The following MYOCD variants were observed in gnomAD, a reference collection of about 807,000 sequenced individuals.
MYOCD encodes myocardin.
MYOCD carries 32 observed loss-of-function variants against 96.1 expected under a neutral mutation model. The observed-to-expected ratio is 0.33, with a 90% CI of 0.25 to 0.45. The LOEUF (loss-of-function observed/expected upper bound fraction) is 0.45, where lower values mean the gene tolerates loss of function less well. Among genes scored for constraint, MYOCD ranks in the 20% least tolerant of loss-of-function variants. MYOCD has a pLI of 1.00. For synonymous variants in MYOCD, 469 were observed against 469.0 expected (o/e 1.00, Z 0.00); for missense variants, 1,133 against 1,200.6 (o/e 0.94, Z 0.83).
chr17:12,705,290 T>C (rs1224062514), intron 2 of MYOCD, 97 bp downstream of exon 2: 14 of 785,700 alleles, frequency 1.8e-5, no homozygotes, highest in Admixed American at 7.1e-5. Context: ...AGCCAATGCA[T>C]TGGTCTCCGA....
rs1460573699 is a variant in MYOCD at position 12,736,285 on chromosome 17, A to T, written c.540A>T (p.Pro180=). 1 of 1,614,254 alleles carries T rather than the reference A, an allele frequency of 6.2e-7. No homozygotes were observed. The highest frequency in any genetic ancestry group is 1.1e-5 in the South Asian group (1 of 91,088). The part of the protein sequence containing the change: ...EDPQNSAGSP[P]DAKASDTPST... ...CCCAAAACTCAGCGGGATCCCCGCC[A>T]GACGCTAAAGCCTCAGATACCCCTT... is the stretch of plus-strand genomic sequence containing the variant. Residue 180 remains proline, a synonymous_variant, in exon 6 of 14, where the codon CCA becomes CCT. Transcript: ENST00000425538.
chr17:12,734,355 G>C (rs2032272734), intron 5 of MYOCD, among the ~76,000 whole-genome samples: 3 of 152,094 alleles, frequency 2.0e-5, no homozygotes, highest in Admixed American at 2.0e-4. Flanking sequence ...GGGTCTCTGA[G>C]AGTGTGAATG....
At chr17:12,677,344 AC>A (rs1910127069) in intron 1 of MYOCD, among the ~76,000 whole-genome samples, 1 of 151,664 alleles carries the variant, frequency 6.6e-6, no homozygotes, top group Admixed American at 6.6e-5. Flanking sequence ...TGTACAACAA[AC>A]CCCCATGACA....
rs1294637911 is a variant in MYOCD, at chr17:12,666,140, A to G, written c.-49A>G. On this transcript the variant is annotated 5_prime_UTR_variant, in exon 1 of 14. Coordinates refer to ENST00000425538, the MANE Select transcript of MYOCD (RefSeq NM_001146312.3). ...GCTCCCGGGAGCCTGTTGCTGGTGG[A>G]GAACAGGGGGCGCCTGGCCAAGGGA... 2 of 1,482,210 alleles carry G rather than the reference A, an allele frequency of 1.3e-6. No homozygotes were observed. Among genetic ancestry groups the G allele is most frequent in the Non-Finnish European group, 1.9e-6 (2 of 1,062,066 alleles). 91.8% of individuals were successfully genotyped at this position (1,482,210 alleles called of 1,614,324 possible). A position where few individuals can be genotyped will look rare whatever the true frequency, so the allele number is the denominator to read the frequency against.
chr17:12,705,177 C>T lies in MYOCD; in HGVS notation c.105C>T (p.Asn35=). Residue 35 remains asparagine, a synonymous_variant, in exon 2 of 14, where the codon AAC becomes AAT. Transcript: ENST00000425538. ...QQRRTQEQLA[N]QGIIPPLKRP... is the part of the protein sequence containing the mutation. The stretch of plus-strand genomic sequence containing the variant: ...GAAGGACCCAGGAACAACTGGCTAA[C>T]CAAGGCATAATACCACGTGAGTACC... 6.2e-7 allele frequency: 1 copy of T among 1,613,104 alleles called. No individual in the cohort carries two copies. The highest frequency in any genetic ancestry group is 1.1e-5 in the South Asian group (1 of 91,038).
At chr17:12,698,801 G>T (rs1263873302) in intron 1 of MYOCD, among the ~76,000 whole-genome samples, 3 of 139,492 alleles carry the variant, frequency 2.2e-5, no homozygotes, top group Non-Finnish European at 4.5e-5. Context: ...GGAGTGCAGT[G>T]GCGTGATCTC....
chr17:12,764,242 C>G lies in MYOCD; in HGVS notation c.*598C>G, dbSNP rs2033271328. On this transcript the variant is annotated 3_prime_UTR_variant, in exon 14 of 14. Transcript: ENST00000425538. ...CTCTTTTCCCTCTACCACAAAACTG[C>G]CCTGCTGGAGTGGTTCTGAACCTGT... is the stretch of plus-strand genomic sequence containing the variant. 6.6e-6 allele frequency: 1 copy of G among 152,302 alleles called. No homozygotes were observed. Among genetic ancestry groups the G allele is most frequent in the African/African-American group, 2.4e-5 (1 of 41,416 alleles). The allele number at this position is 152,302 out of a possible 1,614,324, so 9.4% of individuals were successfully genotyped here. A position where few individuals can be genotyped will look rare whatever the true frequency, so the allele number is the denominator to read the frequency against.
intron 13 of MYOCD, 82 bp from the exon 14 acceptor site, chr17:12,762,991 G>C: frequency 8.3e-7 from 1 of 1,211,798 alleles, no homozygotes; most frequent in Non-Finnish European, 1.2e-6. Context: ...GCCATCTTCT[G>C]TATCTAAGTG....
chr17:12,759,569 G>A (rs2033113218), intron 12 of MYOCD, among the ~76,000 whole-genome samples: 1 of 152,146 alleles, frequency 6.6e-6, no homozygotes, highest in Admixed American at 6.6e-5. Context: ...ATGGATATAT[G>A]CCTTTGTTCT....
chr17:12,684,314 A>C (rs1009857194), intron 1 of MYOCD, among the ~76,000 whole-genome samples: 1 of 152,132 alleles, frequency 6.6e-6, no homozygotes, highest in African/African-American at 2.4e-5. Context: ...AATGTTACTG[A>C]GTTACTTTGC....
At chr17:12,706,526 C>T (rs537551751) in intron 2 of MYOCD, among the ~76,000 whole-genome samples, 13 of 152,292 alleles carry the variant, frequency 8.5e-5, no homozygotes, top group South Asian at 4.1e-4. Context: ...GCAACCTTTC[C>T]GTAAGCCCAA....
intron 1 of MYOCD, among the ~76,000 whole-genome samples, chr17:12,687,850 A>G (rs982452604): frequency 6.6e-6 from 1 of 152,206 alleles, no homozygotes; most frequent in African/African-American, 2.4e-5. Context: ...AAGAAAATCA[A>G]TCACATTTGA....
intron 4 of MYOCD, among the ~76,000 whole-genome samples, chr17:12,719,996 G>C (rs2031782199): frequency 6.6e-6 from 1 of 152,130 alleles, no homozygotes; most frequent in South Asian, 2.1e-4. Context: ...AAATAGATAT[G>C]CAGACTAGGA....
At chr17:12,713,879 G>C (rs2031555775) in intron 2 of MYOCD, among the ~76,000 whole-genome samples, 1 of 152,148 alleles carries the variant, frequency 6.6e-6, no homozygotes. Flanking sequence ...GGAGAAATGG[G>C]AGAAAAGGGT....
At chr17:12,691,811 T>C (rs1403400208) in intron 1 of MYOCD, among the ~76,000 whole-genome samples, 1 of 152,224 alleles carries the variant, frequency 6.6e-6, no homozygotes, top group African/African-American at 2.4e-5. Flanking sequence ...TTTGCCTGCC[T>C]AAGTTTATAA....
At chr17:12,724,338 A>G (rs1217347719) in intron 5 of MYOCD, among the ~76,000 whole-genome samples, 4 of 152,150 alleles carry the variant, frequency 2.6e-5, no homozygotes, top group African/African-American at 9.7e-5. Context: ...CTAGTAGATT[A>G]TATTTTTCCT....
intron 1 of MYOCD, among the ~76,000 whole-genome samples, chr17:12,689,617 A>G (rs1470243494): frequency 6.6e-6 from 1 of 152,192 alleles, no homozygotes; most frequent in African/African-American, 2.4e-5. Context: ...GGATCACTTG[A>G]GGTCAGAAGG....
At chr17:12,741,662 T>G (rs1428902778) in intron 7 of MYOCD, among the ~76,000 whole-genome samples, 1 of 151,334 alleles carries the variant, frequency 6.6e-6, no homozygotes, top group African/African-American at 2.4e-5. Context: ...TGAGCCGAGA[T>G]CGCAGTCACT....
chr17:12,688,648 T>C (rs1468884735), intron 1 of MYOCD, among the ~76,000 whole-genome samples: 1 of 149,996 alleles, frequency 6.7e-6, no homozygotes, highest in African/African-American at 2.5e-5. Context: ...CCTTCCATCT[T>C]CTTCCTTCCA....
Sources: gnomAD v4.1 joint callset for allele counts (sites outside exome capture counted in the v4.1 genomes callset) on GRCh38, gnomAD v4.1.1 for gene constraint, MANE v1.5 for transcripts, NCBI Gene and HGNC (gene_info 2026-07-23, HGNC 2026-07-21) for gene names.